The following POLA1 variants were observed in gnomAD, a reference collection of about 807,000 sequenced individuals.
POLA1 encodes DNA polymerase alpha catalytic subunit.
In POLA1, 15 loss-of-function variants were observed where a neutral mutation model predicts 124.0. The ratio of observed to expected loss-of-function variants is 0.12; its 90% confidence interval spans 0.08 to 0.19. The LOEUF (loss-of-function observed/expected upper bound fraction) is 0.19, where lower values mean the gene tolerates loss of function less well. Among genes scored for constraint, POLA1 ranks in the 10% least tolerant of loss-of-function variants. The probability of loss-of-function intolerance (pLI) is 1.00; values close to 1 mark genes in which losing one functional copy is unlikely to be tolerated. For missense variants in POLA1, 886 were observed against 1,103.4 expected, an observed-to-expected ratio of 0.80 and a Z score of 2.79; for synonymous variants, 408 against 389.4, an observed-to-expected ratio of 1.05 and a Z score of -0.56.
chrX:24,761,452 G>A (rs1932792485), intron 26 of POLA1, among the ~76,000 whole-genome samples: 1 of 111,012 alleles, frequency 9.0e-6, no homozygotes, highest in African/African-American at 3.3e-5. Context: ...GGAGGGTGGT[G>A]TGCCTTCTGC....
At chrX:24,724,585 G>A in intron 12 of POLA1, 134 bp downstream of exon 12, 2 of 403,494 alleles carry the variant, frequency 5.0e-6, no homozygotes, top group Admixed American at 4.3e-5. Context: ...AAATTTCATA[G>A]GTATGAATGT....
At chrX:24,915,299 A>G (rs1044362419) in intron 35 of POLA1, among the ~76,000 whole-genome samples, 1 of 112,067 alleles carries the variant, frequency 8.9e-6, no homozygotes, top group African/African-American at 3.2e-5. Context: ...TCACATACTC[A>G]TCTTCACTTG....
chrX:24,786,511 T>C (rs925201047), intron 26 of POLA1, among the ~76,000 whole-genome samples: 13 of 108,330 alleles, frequency 1.2e-4, no homozygotes, highest in African/African-American at 4.4e-4. Context: ...TTTATTTTTA[T>C]TTTATTTTAT....
At chrX:24,880,068 T>G (rs2046983531) in intron 34 of POLA1, among the ~76,000 whole-genome samples, 1 of 111,723 alleles carries the variant, frequency 9.0e-6, no homozygotes, top group Non-Finnish European at 1.9e-5. Flanking sequence ...GCAGACCAAG[T>G]CGCTAATTTA....
intron 36 of POLA1, among the ~76,000 whole-genome samples, chrX:24,971,857 A>G (rs1357682797): frequency 4.5e-5 from 5 of 111,934 alleles, no homozygotes; most frequent in African/African-American, 1.6e-4. Context: ...CACTACTCTA[A>G]TATGTGGACC....
intron 26 of POLA1, among the ~76,000 whole-genome samples, chrX:24,791,500 C>G (rs897363933): frequency 2.7e-5 from 3 of 112,443 alleles, no homozygotes; most frequent in Non-Finnish European, 5.6e-5. Flanking sequence ...ATTCTCCTGC[C>G]TCAGCCTCCC....
At chrX:24,991,833 C>T (rs1044021919) in intron 36 of POLA1, among the ~76,000 whole-genome samples, 2 of 112,555 alleles carry the variant, frequency 1.8e-5, no homozygotes, top group Non-Finnish European at 3.7e-5. Flanking sequence ...AGTGGACTAA[C>T]AGACTCTTCA....
intron 31 of POLA1, among the ~76,000 whole-genome samples, chrX:24,822,278 A>G (rs1038413624): frequency 8.9e-6 from 1 of 112,113 alleles, no homozygotes; most frequent in Non-Finnish European, 1.9e-5. Context: ...TCTATCTGTA[A>G]AGATAAGTCA....
chrX:24,829,253 G>A (rs1037396404), intron 32 of POLA1, among the ~76,000 whole-genome samples: 2 of 111,600 alleles, frequency 1.8e-5, no homozygotes, highest in Admixed American at 9.5e-5. Context: ...TCAAGCTGAT[G>A]GGAGGGAATG....
intron 36 of POLA1, among the ~76,000 whole-genome samples, chrX:24,962,597 A>G (rs1285910059): frequency 1.8e-5 from 2 of 112,050 alleles, no homozygotes; most frequent in Non-Finnish European, 3.8e-5. Flanking sequence ...TATAATTATT[A>G]TTAGAAGAGA....
intron 4 of POLA1, among the ~76,000 whole-genome samples, chrX:24,705,361 C>T (rs929895649): frequency 2.2e-4 from 24 of 111,355 alleles, no homozygotes; most frequent in Non-Finnish European, 4.1e-4. Flanking sequence ...AATATGTGAC[C>T]AAAAGCCTAA....
chrX:24,804,834 A>C (rs2045772072), intron 26 of POLA1, among the ~76,000 whole-genome samples: 1 of 111,921 alleles, frequency 8.9e-6, no homozygotes, highest in Non-Finnish European at 1.9e-5. Context: ...TTTTAACAAG[A>C]TACAAAGACT....
At chrX:24,918,684 A>T (rs2047570499) in intron 35 of POLA1, among the ~76,000 whole-genome samples, 1 of 111,538 alleles carries the variant, frequency 9.0e-6, no homozygotes, top group African/African-American at 3.3e-5. Flanking sequence ...AAAGAGGTTT[A>T]TTTGACTTGT....
At chrX:24,754,898 T>A (rs1932519298) in intron 26 of POLA1, among the ~76,000 whole-genome samples, 2 of 112,935 alleles carry the variant, frequency 1.8e-5, no homozygotes, top group African/African-American at 6.4e-5. Context: ...TGTTAACTAT[T>A]GTATAATATT....
At chrX:24,876,586 G>A (rs1166834315) in intron 34 of POLA1, among the ~76,000 whole-genome samples, 1 of 103,693 alleles carries the variant, frequency 9.6e-6, no homozygotes, top group Admixed American at 1.1e-4. Context: ...TGAAGAGCAT[G>A]AGAACAATAT....
intron 36 of POLA1, among the ~76,000 whole-genome samples, chrX:24,965,560 G>C (rs2048212234): frequency 8.9e-6 from 1 of 112,150 alleles, no homozygotes; most frequent in Non-Finnish European, 1.9e-5. Flanking sequence ...ACAAATGAAT[G>C]AATGGATAAA....
intron 36 of POLA1, among the ~76,000 whole-genome samples, chrX:24,993,905 ACT>A (rs1241104241): frequency 8.9e-6 from 1 of 111,734 alleles, no homozygotes; most frequent in African/African-American, 3.3e-5. Context: ...TGTCATTCTA[ACT>A]CTGCTGTGTG....
intron 32 of POLA1, among the ~76,000 whole-genome samples, chrX:24,828,929 G>A (rs1349997703): frequency 8.9e-6 from 1 of 111,932 alleles, no homozygotes; most frequent in Non-Finnish European, 1.9e-5. Context: ...TTTATAAATT[G>A]AACAGTAGCA....
chrX:24,845,415 A>G (rs1211162733), intron 34 of POLA1, among the ~76,000 whole-genome samples: 1 of 111,834 alleles, frequency 8.9e-6, no homozygotes, highest in Non-Finnish European at 1.9e-5. Context: ...CTACTTTCTG[A>G]TCTGAATTAT....
Sources: gnomAD v4.1 joint callset for allele counts (sites outside exome capture counted in the v4.1 genomes callset) on GRCh38, gnomAD v4.1.1 for gene constraint, MANE v1.5 for transcripts, NCBI Gene and HGNC (gene_info 2026-07-23, HGNC 2026-07-21) for gene names.